The following POTEJ variants were observed in gnomAD, a reference collection of about 807,000 sequenced individuals.
The protein encoded by POTEJ is POTE ankyrin domain family member J.
POTEJ carries 11 observed loss-of-function variants against 69.0 expected under a neutral mutation model. The ratio of observed to expected loss-of-function variants is 0.16; its 90% CI spans 0.10 to 0.26. The LOEUF is 0.26. Among genes scored for constraint, POTEJ ranks in the 10% least tolerant of loss-of-function variants. POTEJ has a pLI of 1.00. For missense variants in POTEJ, 327 were observed against 1,045.5 expected, an observed-to-expected ratio of 0.31 and a Z score of 9.48; for synonymous variants, 117 against 381.1, an observed-to-expected ratio of 0.31 and a Z score of 8.07.
At chr2:130,629,525 G>T (rs1332690437) in intron 6 of POTEJ, among the ~76,000 whole-genome samples, 2 of 143,230 alleles carry the variant, frequency 1.4e-5, no homozygotes, top group African/African-American at 5.7e-5. Context: ...TTCAGGCAGG[G>T]TCACCATGAC....
At chr2:130,635,021 G>C (rs1475627587) in intron 9 of POTEJ, among the ~76,000 whole-genome samples, 2 of 147,622 alleles carry the variant, frequency 1.4e-5, no homozygotes, top group Non-Finnish European at 3.0e-5. Flanking sequence ...TCTTCACTTG[G>C]CTTTCAGGAC....
Position 130,656,541 on chromosome 2 carries a change from T to C in POTEJ, c.1789-8T>C. 1 of 1,607,950 alleles carries C rather than the reference T, an allele frequency of 6.2e-7. No individual in the cohort carries two copies. ...AGTGCTAACTAAAAGTTCTCTTTGT[T>C]TACTTAGCTTTCTCTTAGTTGTAAG... On this transcript the variant is annotated splice_region_variant and splice_polypyrimidine_tract_variant and intron_variant, in intron 14 of 14. Coordinates refer to ENST00000409602, the MANE Select transcript of POTEJ (RefSeq NM_001277083.2).
intron 6 of POTEJ, among the ~76,000 whole-genome samples, chr2:130,625,068 C>T (rs1377489598): frequency 6.6e-6 from 1 of 152,150 alleles, no homozygotes; most frequent in East Asian, 1.9e-4. Context: ...ACACCTAATA[C>T]ATTATATAGT....
intron 6 of POTEJ, among the ~76,000 whole-genome samples, chr2:130,629,379 A>G (rs1277906072): frequency 4.7e-5 from 7 of 148,640 alleles, no homozygotes; most frequent in African/African-American, 1.8e-4. Context: ...TTGAAGGACA[A>G]CAGGAACTTG....
chr2:130,613,182 A>G (rs1008611954), intron 1 of POTEJ, among the ~76,000 whole-genome samples: 2 of 146,892 alleles, frequency 1.4e-5, no homozygotes, highest in African/African-American at 2.5e-5. Flanking sequence ...ATACAAAAGG[A>G]GAAACATACC....
At chr2:130,629,069 G>C (rs1257237642) in intron 6 of POTEJ, among the ~76,000 whole-genome samples, 1 of 152,198 alleles carries the variant, frequency 6.6e-6, no homozygotes, top group Non-Finnish European at 1.5e-5. Flanking sequence ...AATCGTGGAG[G>C]GAAACATTTT....
chr2:130,612,791 A>T (rs1190734903), intron 1 of POTEJ, among the ~76,000 whole-genome samples: 1 of 148,432 alleles, frequency 6.7e-6, no homozygotes, highest in Admixed American at 6.7e-5. Context: ...AAAAGATGTG[A>T]GCTTTTTCTA....
chr2:130,647,895 C>T (rs1288006575), intron 13 of POTEJ, among the ~76,000 whole-genome samples: 16 of 146,116 alleles, frequency 1.1e-4, no homozygotes, highest in Non-Finnish European at 1.8e-4. Flanking sequence ...TGACATTATC[C>T]TCCCTTTGAG....
At chr2:130,611,299 TG>T (rs1303951185), upstream of POTEJ, among the ~76,000 whole-genome samples, 204 of 43,950 alleles carry the variant, frequency 4.6e-3, 1 homozygote, top group African/African-American at 0.017. Flanking sequence ...GGTGTTTTCT[TG>T]GGGGGGGGGG....
chr2:130,636,242 A>G (rs1483262865), intron 9 of POTEJ, among the ~76,000 whole-genome samples: 1 of 152,190 alleles, frequency 6.6e-6, no homozygotes, highest in Non-Finnish European at 1.5e-5. Flanking sequence ...AAAGAAACAC[A>G]TTAAGGAACA....
At chr2:130,636,140 A>G (rs1447856025) in intron 9 of POTEJ, among the ~76,000 whole-genome samples, 2 of 149,114 alleles carry the variant, frequency 1.3e-5, no homozygotes, top group Non-Finnish European at 2.9e-5. Context: ...TGTGTCTGGG[A>G]TGCTTTTTCC....
intron 10 of POTEJ, among the ~76,000 whole-genome samples, chr2:130,640,293 G>C (rs545828334): frequency 0.015 from 2,031 of 131,120 alleles, 109 homozygotes; most frequent in African/African-American, 0.062. Flanking sequence ...TTCACTTTTG[G>C]TATTACCAAA....
intron 10 of POTEJ, among the ~76,000 whole-genome samples, chr2:130,643,596 G>C (rs902471143): frequency 2.1e-5 from 3 of 144,604 alleles, no homozygotes; most frequent in Non-Finnish European, 4.6e-5. Flanking sequence ...GGAAGATGTT[G>C]TACACTAATA....
chr2:130,613,155 G>T (rs1172436816), intron 1 of POTEJ, among the ~76,000 whole-genome samples: 8 of 144,488 alleles, frequency 5.5e-5, no homozygotes, highest in Admixed American at 2.1e-4. Flanking sequence ...TAAGAGTATA[G>T]ATTAAAAATT....
intron 6 of POTEJ, among the ~76,000 whole-genome samples, chr2:130,626,600 C>G (rs1350513146): frequency 6.6e-6 from 1 of 152,118 alleles, no homozygotes; most frequent in Non-Finnish European, 1.5e-5. Flanking sequence ...TTTACAAAAC[C>G]ATAAGGCAGA....
rs1405091437 is a variant in POTEJ, at chr2:130,656,574, G to C, written c.1814G>C (p.Arg605Thr). ...CTTTCTCTTAGTTGTAAGAAAGAAA[G>C]AGACTTCTTGCATGAAAATAGTATG... The part of the protein sequence containing the change: ...SELSLSCKKE[R>T]DFLHENSMLR... The change falls in exon 15 of 15, where the codon AGA becomes ACA. Residue 605 changes from arginine to threonine, a missense_variant. Arg to Thr is a moderately conservative substitution (Grantham distance 71). Transcript: ENST00000409602. 6.2e-7 allele frequency: 1 copy of C among 1,609,516 alleles called. No homozygotes were observed. The highest frequency in any genetic ancestry group is 2.2e-5 in the East Asian group (1 of 44,894).
At chr2:130,643,093 A>C (rs1686451727) in intron 10 of POTEJ, among the ~76,000 whole-genome samples, 1 of 147,882 alleles carries the variant, frequency 6.8e-6, no homozygotes, top group South Asian at 2.1e-4. Flanking sequence ...GGGGACAGAC[A>C]TGTGGAGGAA....
intron 6 of POTEJ, among the ~76,000 whole-genome samples, chr2:130,627,862 AATT>A (rs1250906141): frequency 1.6e-4 from 24 of 147,208 alleles, no homozygotes; most frequent in African/African-American, 4.7e-4. Context: ...CTGAATTCAC[AATT>A]ATTAGTTAAA....
At chr2:130,613,382 G>GTATATATA (rs1161503074) in intron 1 of POTEJ, among the ~76,000 whole-genome samples, 12 of 85,386 alleles carry the variant, frequency 1.4e-4, no homozygotes, top group East Asian at 3.1e-4. Context: ...GTGTGTGTGT[G>GTATATATA]TGTATATATA....
Sources: allele counts gnomAD v4.1 joint callset (sites outside exome capture counted in the v4.1 genomes callset), GRCh38; gene constraint gnomAD v4.1.1; transcripts MANE v1.5; gene names NCBI Gene and HGNC (gene_info 2026-07-23, HGNC 2026-07-21).